Variants in RANBP17 observed in about 807,000 individuals in gnomAD.
The protein encoded by RANBP17 is ran-binding protein 17.
In RANBP17, 158 loss-of-function variants were observed where a neutral mutation model predicts 141.2. The ratio of observed to expected loss-of-function variants is 1.12; its 90% CI spans 0.98 to 1.28. RANBP17 has a LOEUF of 1.28. RANBP17 is among the 50% of genes most tolerant of loss of function. RANBP17 has a pLI of 0.00. For synonymous variants in RANBP17, 430 were observed against 450.0 expected, an observed-to-expected ratio of 0.96 and a Z score of 0.56; for missense variants, 1,438 against 1,290.7, an observed-to-expected ratio of 1.11 and a Z score of -1.75.
intron 12 of RANBP17, among the ~76,000 whole-genome samples, chr5:170,935,856 C>T (rs1773826765): frequency 1.3e-5 from 2 of 152,202 alleles, no homozygotes; most frequent in South Asian, 4.1e-4. Context: ...GCAGAAGTTT[C>T]TGCTGCCTTT....
chr5:171,029,916 T>G (rs548571387), intron 14 of RANBP17, among the ~76,000 whole-genome samples: 1 of 152,194 alleles, frequency 6.6e-6, no homozygotes, highest in African/African-American at 2.4e-5. Context: ...ATCATGATAA[T>G]GACATTGTGT....
intron 14 of RANBP17, among the ~76,000 whole-genome samples, chr5:171,054,688 C>A (rs1322185223): frequency 6.6e-6 from 1 of 152,144 alleles, no homozygotes; most frequent in Non-Finnish European, 1.5e-5. Context: ...AATGCCTAGC[C>A]TCCTGGGAAT....
At chr5:171,274,338 TA>T (rs993675652) in intron 25 of RANBP17, among the ~76,000 whole-genome samples, 2 of 152,142 alleles carry the variant, frequency 1.3e-5, no homozygotes, top group African/African-American at 4.8e-5. Context: ...GCTTATAATT[TA>T]AAAATAGAGA....
intron 14 of RANBP17, among the ~76,000 whole-genome samples, chr5:171,155,122 T>TACAC (rs375832271): frequency 2.8e-4 from 38 of 134,974 alleles, no homozygotes; most frequent in African/African-American, 8.2e-4. Flanking sequence ...TATATATATG[T>TACAC]ACACACACAC....
In RANBP17 at chr5:171,017,585, A is replaced by G. The variant is rs532392557; in HGVS notation, c.1710+49208A>G. On this transcript the variant is annotated intron_variant, in intron 14 of 27. Coordinates refer to ENST00000523189, the MANE Select transcript of RANBP17 (RefSeq NM_022897.5). ...AAGTGTCTGTTCATATCCTATGCCT[A>G]CTTTTTGATGGGGTTGTATGTTGTT... Among the ~76,000 whole-genome samples the G allele has an allele frequency of 2.0e-5, 3 of 152,244 alleles. No individual in the cohort carries two copies. In the South Asian group the frequency reaches 6.2e-4, roughly 32 times the overall value.
At chr5:170,931,382 A>G (rs950006310) in intron 12 of RANBP17, among the ~76,000 whole-genome samples, 11 of 152,242 alleles carry the variant, frequency 7.2e-5, no homozygotes, top group African/African-American at 2.4e-4. Flanking sequence ...CTCTGATGGT[A>G]GTTTCTTTTG....
At chr5:170,871,819 A>C (rs560380348) in intron 1 of RANBP17, among the ~76,000 whole-genome samples, 1 of 152,334 alleles carries the variant, frequency 6.6e-6, no homozygotes, top group African/African-American at 2.4e-5. Context: ...GTCGAAGATC[A>C]GATGGTTGTA....
chr5:170,955,140 A>G (rs1300405040), intron 13 of RANBP17, among the ~76,000 whole-genome samples: 1 of 152,084 alleles, frequency 6.6e-6, no homozygotes, highest in East Asian at 1.9e-4. Context: ...CATCCATGGA[A>G]ACATTGTCTT....
chr5:171,167,867 T>C (rs2127874039), intron 14 of RANBP17, among the ~76,000 whole-genome samples: 1 of 152,326 alleles, frequency 6.6e-6, no homozygotes, highest in South Asian at 2.1e-4. Context: ...ATTCAAGCTG[T>C]TCTCTCTAGC....
Position 171,012,457 on chromosome 5 carries a change from G to A in RANBP17, c.1710+44080G>A, listed in dbSNP as rs564236032. On this transcript the variant is annotated intron_variant, in intron 14 of 27. Transcript: ENST00000523189. ...CCTTGCTGAAAACGAAAAATCTGCT[G>A]CCTGGAATCTATATATTATAGTTAT... Among the ~76,000 whole-genome samples the A allele has an allele frequency of 2.6e-5, 4 of 152,150 alleles. No homozygotes were observed. The South Asian group carries it at 8.3e-4, about 32-fold the overall frequency.
intron 12 of RANBP17, among the ~76,000 whole-genome samples, chr5:170,942,697 C>T (rs758532547): frequency 1.1e-4 from 16 of 152,144 alleles, no homozygotes; most frequent in Admixed American, 2.6e-4. Flanking sequence ...ATTGCTAATG[C>T]ATTGATTGTT....
At chr5:171,136,597 T>C (rs979561648) in intron 14 of RANBP17, among the ~76,000 whole-genome samples, 6 of 152,164 alleles carry the variant, frequency 3.9e-5, no homozygotes, top group Non-Finnish European at 7.4e-5. Context: ...GACACCGTGC[T>C]ATCAGGACTC....
intron 14 of RANBP17, among the ~76,000 whole-genome samples, chr5:171,076,262 ATAAG>A (rs1784914068): frequency 1.3e-5 from 2 of 152,220 alleles, no homozygotes; most frequent in South Asian, 4.1e-4. Flanking sequence ...TGATAAGATA[ATAAG>A]TAATTTTGTT....
intron 14 of RANBP17, among the ~76,000 whole-genome samples, chr5:171,075,408 A>T (rs1434039828): frequency 6.6e-6 from 1 of 152,216 alleles, no homozygotes; most frequent in African/African-American, 2.4e-5. Flanking sequence ...AACATGGGTG[A>T]AACTTCAAAA....
At chr5:170,966,973 G>A (rs569897439) in intron 13 of RANBP17, among the ~76,000 whole-genome samples, 39 of 152,116 alleles carry the variant, frequency 2.6e-4, no homozygotes, top group Middle Eastern at 3.4e-3. Flanking sequence ...AATACCTAGG[G>A]ATCCAACTTA....
chr5:171,134,651 C>T (rs1757149292), intron 14 of RANBP17, among the ~76,000 whole-genome samples: 1 of 152,164 alleles, frequency 6.6e-6, no homozygotes, highest in South Asian at 2.1e-4. Context: ...GTGTAATACT[C>T]TTTTGAATAT....
rs567810108 is a variant in RANBP17, at chr5:171,277,879, C to T, written c.2943+12032C>T. Among the ~76,000 whole-genome samples the T allele has an allele frequency of 1.3e-4, 19 of 145,508 alleles. No homozygotes were observed. The South Asian group carries it at 3.8e-3, about 29-fold the overall frequency. On this transcript the variant is annotated intron_variant, in intron 25 of 27. Transcript: ENST00000523189. The stretch of plus-strand genomic sequence containing the variant: ...TGGAAGAGTGGCAGGAAGAGCCATA[C>T]AGCATTCTTCAATCAAGAACTGAAT...
intron 14 of RANBP17, among the ~76,000 whole-genome samples, chr5:171,076,121 T>C (rs1205930357): frequency 6.6e-6 from 1 of 152,162 alleles, no homozygotes; most frequent in African/African-American, 2.4e-5. Flanking sequence ...CTTGAAACAG[T>C]TAATTTGACT....
intron 14 of RANBP17, among the ~76,000 whole-genome samples, chr5:171,089,512 G>T (rs1021159151): frequency 6.6e-6 from 1 of 152,048 alleles, no homozygotes; most frequent in Non-Finnish European, 1.5e-5. Context: ...CGGCTGCTTT[G>T]TTTACCTAAG....
Sources: gnomAD v4.1 joint callset for allele counts (sites outside exome capture counted in the v4.1 genomes callset) on GRCh38, gnomAD v4.1.1 for gene constraint, MANE v1.5 for transcripts, NCBI Gene and HGNC (gene_info 2026-07-23, HGNC 2026-07-21) for gene names.